CSTPP1: variants seen among roughly 807,000 people sequenced by gnomAD.
CSTPP1 encodes centriolar satellite-associated tubulin polyglutamylase complex regulator 1, also known as UPF0705 protein C11orf49.
the CSTPP1 span, among the ~76,000 whole-genome samples, chr11:47,080,912 G>A: frequency 1.5e-4 from 23 of 151,416 alleles, no homozygotes; most frequent in Admixed American, 9.2e-4. Context: ...GGAAGGCTGA[G>A]ATGGGAGGAT....
At chr11:46,956,816 A>AG in the CSTPP1 span, among the ~76,000 whole-genome samples, 1 of 151,912 alleles carries the variant, frequency 6.6e-6, no homozygotes, top group Non-Finnish European at 1.5e-5. Context: ...CCTTCTTCCT[A>AG]GTCTTCCAAC....
At chr11:47,162,242 T>C in the CSTPP1 span, 2 of 985,370 alleles carry the variant, frequency 2.0e-6, no homozygotes, top group African/African-American at 1.7e-5. Context: ...CCCTCATGTC[T>C]GGTAACTGGT....
chr11:47,007,172 AC>A, the CSTPP1 span, among the ~76,000 whole-genome samples: 1 of 151,452 alleles, frequency 6.6e-6, no homozygotes, highest in African/African-American at 2.4e-5. Context: ...AGCTGGGATT[AC>A]AGGCGCCCAC....
the CSTPP1 span, among the ~76,000 whole-genome samples, chr11:47,162,987 C>T: frequency 6.6e-6 from 1 of 152,032 alleles, no homozygotes; most frequent in Non-Finnish European, 1.5e-5. Context: ...CAGGACCACC[C>T]TGGGAAACAT....
At chr11:46,968,768 G>A in the CSTPP1 span, among the ~76,000 whole-genome samples, 3 of 151,744 alleles carry the variant, frequency 2.0e-5, no homozygotes, top group Admixed American at 2.0e-4. Context: ...GTGTGATGGT[G>A]TGTGCCTGTA....
At chr11:47,046,790 T>C in the CSTPP1 span, among the ~76,000 whole-genome samples, 1 of 145,560 alleles carries the variant, frequency 6.9e-6, no homozygotes, top group Non-Finnish European at 1.5e-5. Flanking sequence ...CTCAGAATCC[T>C]GAGTAGCTGG....
chr11:47,068,570 G>T, the CSTPP1 span, among the ~76,000 whole-genome samples: 4 of 151,930 alleles, frequency 2.6e-5, no homozygotes, highest in Admixed American at 2.6e-4. Flanking sequence ...AATTTTAACT[G>T]CTAGTGCTTA....
the CSTPP1 span, among the ~76,000 whole-genome samples, chr11:46,963,475 T>C: frequency 6.6e-6 from 1 of 152,098 alleles, no homozygotes; most frequent in Admixed American, 6.6e-5. Context: ...AGAAAACACA[T>C]TTAAGCTGAT....
the CSTPP1 span, among the ~76,000 whole-genome samples, chr11:47,031,715 T>TTA: frequency 7.4e-5 from 11 of 147,684 alleles, no homozygotes; most frequent in African/African-American, 1.7e-4. Flanking sequence ...TTTTTTTTTT[T>TTA]AAAAGAGATC....
the CSTPP1 span, among the ~76,000 whole-genome samples, chr11:47,131,486 A>C: frequency 1.3e-5 from 2 of 152,214 alleles, no homozygotes; most frequent in African/African-American, 4.8e-5. Context: ...GGAATCAATA[A>C]TTTCTGACTA....
the CSTPP1 span, among the ~76,000 whole-genome samples, chr11:47,114,453 C>T: frequency 6.6e-6 from 1 of 152,174 alleles, no homozygotes; most frequent in African/African-American, 2.4e-5. Context: ...TCACCATTTT[C>T]TATCCATGAG....
At chr11:46,992,739 T>C in the CSTPP1 span, among the ~76,000 whole-genome samples, 1 of 152,178 alleles carries the variant, frequency 6.6e-6, no homozygotes, top group Non-Finnish European at 1.5e-5. Context: ...TTATAATCCT[T>C]TGGGTATATA....
chr11:47,041,450 A>G, the CSTPP1 span: 1 of 290,578 alleles, frequency 3.4e-6, no homozygotes, highest in Non-Finnish European at 7.1e-6. Context: ...AAGACCTAGA[A>G]CGTTGCATGT....
chr11:47,129,552 A>C, the CSTPP1 span, among the ~76,000 whole-genome samples: 1 of 152,142 alleles, frequency 6.6e-6, no homozygotes, highest in Admixed American at 6.5e-5. Flanking sequence ...CCCCCAGAAC[A>C]AAGCCTTGCC....
chr11:47,137,384 A>G, the CSTPP1 span: 2 of 1,488,314 alleles, frequency 1.3e-6, no homozygotes, highest in Admixed American at 2.0e-5. Context: ...TGCTCTCTTC[A>G]CCCGACCAAT....
chr11:47,046,904 CT>C, the CSTPP1 span, among the ~76,000 whole-genome samples: 133 of 112,204 alleles, frequency 1.2e-3, no homozygotes, highest in Admixed American at 1.3e-3. Flanking sequence ...AATTTCTTTT[CT>C]TTTTTTTTTT....
At chr11:47,043,875 A>AT in the CSTPP1 span, among the ~76,000 whole-genome samples, 2 of 152,188 alleles carry the variant, frequency 1.3e-5, no homozygotes, top group Non-Finnish European at 2.9e-5. Context: ...GCGCCTGTAG[A>AT]TTCAGCTACT....
chr11:47,088,977 A>T, the CSTPP1 span, among the ~76,000 whole-genome samples: 3 of 152,250 alleles, frequency 2.0e-5, no homozygotes, highest in East Asian at 5.8e-4. Flanking sequence ...GTACATTTAA[A>T]TATAAGTATT....
At chr11:47,161,304 G>C in the CSTPP1 span, 1 of 1,598,140 alleles carries the variant, frequency 6.3e-7, no homozygotes, top group East Asian at 2.2e-5. Context: ...ATCTGCCAGG[G>C]AAGGGTCTGG....
Sources: gnomAD v4.1 joint callset for allele counts (sites outside exome capture counted in the v4.1 genomes callset) on GRCh38, gnomAD v4.1.1 for gene constraint, MANE v1.5 for transcripts, NCBI Gene and HGNC (gene_info 2026-07-23, HGNC 2026-07-21) for gene names.